The following DCDC2 variants were observed in gnomAD, a reference collection of about 807,000 sequenced individuals.
The protein encoded by DCDC2 is doublecortin domain containing 2.
Under a neutral mutation model 50.2 loss-of-function variants are expected in DCDC2, and 40 were observed. The observed-to-expected ratio is 0.80, with a 90% CI of 0.62 to 1.04. The LOEUF is 1.04. Among genes scored for constraint, DCDC2 ranks in the 50% least tolerant of loss-of-function variants. DCDC2 has a pLI of 0.00. For synonymous variants in DCDC2, 234 were observed against 210.6 expected, an observed-to-expected ratio of 1.11 and a Z score of -0.96; for missense variants, 570 against 581.9, an observed-to-expected ratio of 0.98 and a Z score of 0.21.
intron 2 of DCDC2, among the ~76,000 whole-genome samples, chr6:24,312,718 T>C (rs542165725): frequency 2.0e-5 from 3 of 152,284 alleles, no homozygotes; most frequent in South Asian, 2.1e-4. Flanking sequence ...ATGGCTATTT[T>C]CCTCCCAATA....
the DCDC2 span, among the ~76,000 whole-genome samples, chr6:24,363,460 C>T: frequency 2.5e-3 from 374 of 152,202 alleles, 4 homozygotes; most frequent in African/African-American, 8.6e-3. Flanking sequence ...ATGCTCATGC[C>T]GTTACACTGC....
intron 8 of DCDC2, among the ~76,000 whole-genome samples, chr6:24,191,330 C>T (rs558569464): frequency 2.0e-5 from 3 of 152,278 alleles, no homozygotes; most frequent in East Asian, 1.9e-4. Flanking sequence ...CAAGTCAGAA[C>T]ATGGAGAATA....
At chr6:24,381,663 AG>A in the DCDC2 span, among the ~76,000 whole-genome samples, 2 of 152,082 alleles carry the variant, frequency 1.3e-5, no homozygotes, top group African/African-American at 4.8e-5. Context: ...TATATTTAAA[AG>A]CGGGGTGCCA....
chr6:24,319,640 A>G (rs918149007), intron 2 of DCDC2, among the ~76,000 whole-genome samples: 1 of 152,204 alleles, frequency 6.6e-6, no homozygotes, highest in African/African-American at 2.4e-5. Flanking sequence ...GACTATCTAC[A>G]GTATGCTACC....
chr6:24,369,271 T>A, the DCDC2 span, among the ~76,000 whole-genome samples: 15,247 of 152,138 alleles, frequency 0.1, 1,282 homozygotes, highest in East Asian at 0.39. Flanking sequence ...GATATTGTTA[T>A]GTATGCATGT....
intron 7 of DCDC2, among the ~76,000 whole-genome samples, chr6:24,241,435 C>A (rs1204097463): frequency 6.6e-6 from 1 of 152,008 alleles, no homozygotes; most frequent in East Asian, 1.9e-4. Flanking sequence ...TCCAATCACT[C>A]GTTTTCCTAG....
chr6:24,218,747 C>T (rs374563540), intron 7 of DCDC2, among the ~76,000 whole-genome samples: 1 of 152,182 alleles, frequency 6.6e-6, no homozygotes, highest in East Asian at 1.9e-4. Context: ...CCTCAACCTC[C>T]CAAAGTGCCG....
chr6:24,220,819 G>C (rs1441781838), intron 7 of DCDC2, among the ~76,000 whole-genome samples: 1 of 39,954 alleles, frequency 2.5e-5, no homozygotes, highest in Admixed American at 3.1e-4. Context: ...GGCAGAAAGC[G>C]AAGGGGAAGC....
At chr6:24,354,012 G>A (rs541218337) in intron 1 of DCDC2, among the ~76,000 whole-genome samples, 1 of 152,286 alleles carries the variant, frequency 6.6e-6, no homozygotes, top group African/African-American at 2.4e-5. Flanking sequence ...AGGAAGTACT[G>A]ATAGCGTGCA....
intron 7 of DCDC2, among the ~76,000 whole-genome samples, chr6:24,208,937 T>A (rs966235391): frequency 6.6e-6 from 1 of 152,232 alleles, no homozygotes. Context: ...ACAATCTGTA[T>A]TCATATACAC....
chr6:24,371,293 AG>A, the DCDC2 span, among the ~76,000 whole-genome samples: 661 of 123,250 alleles, frequency 5.4e-3, 16 homozygotes, highest in East Asian at 0.018. Context: ...AAAAAAAAAA[AG>A]AAAAGAAAAG....
At chr6:24,299,730 A>G (rs1045168005) in intron 4 of DCDC2, among the ~76,000 whole-genome samples, 1 of 151,988 alleles carries the variant, frequency 6.6e-6, no homozygotes, top group Admixed American at 6.6e-5. Context: ...CCTGGCCAAC[A>G]TGGTGAAACC....
At chr6:24,229,482 C>T (rs1762294749) in intron 7 of DCDC2, among the ~76,000 whole-genome samples, 1 of 152,180 alleles carries the variant, frequency 6.6e-6, no homozygotes, top group South Asian at 2.1e-4. Context: ...TTCCCCCTTG[C>T]CGTGTAACAT....
chr6:24,239,628 A>G (rs1360951148), intron 7 of DCDC2, among the ~76,000 whole-genome samples: 2 of 152,176 alleles, frequency 1.3e-5, no homozygotes, highest in African/African-American at 4.8e-5. Context: ...GATTTTTTTC[A>G]ATCTAAAGCT....
rs138908460 is a variant in DCDC2, at chr6:24,330,907, G to A, written c.348+22662C>T. On this transcript the variant is annotated intron_variant, in intron 2 of 9. Coordinates refer to ENST00000378454, the MANE Select transcript of DCDC2 (RefSeq NM_016356.5). The stretch of plus-strand genomic sequence containing the variant: ...GTTTTAGAAACTAGGCATTTTTATC[G>A]TTTATAGATGAATTATAACAACTGG... Among the ~76,000 whole-genome samples, 51 of 152,150 alleles carry A rather than the reference G, an allele frequency of 3.4e-4. 1 individual carries two copies. The highest frequency in any genetic ancestry group is 1.1e-3 in the African/African-American group (45 of 41,518).
In DCDC2 at chr6:24,357,802, C is replaced by T. The variant is rs1318852877; in HGVS notation, c.-52G>A. ...CGCTGCTTCGCGTCGGGAGGCACCT[C>T]CGCTGTCCCAGCGGCCTCACCGCAC... On this transcript the variant is annotated 5_prime_UTR_variant, in exon 1 of 10. Transcript: ENST00000378454. 27 of 1,610,288 alleles carry T rather than the reference C, an allele frequency of 1.7e-5. No individual in the cohort carries two copies. Among genetic ancestry groups the T allele is most frequent in the Admixed American group, 5.0e-5 (3 of 59,866 alleles).
intron 2 of DCDC2, among the ~76,000 whole-genome samples, chr6:24,341,947 T>TACAC (rs10540083): frequency 0.063 from 9,516 of 151,656 alleles, 958 homozygotes; most frequent in African/African-American, 0.21. Flanking sequence ...TGTGCACGCG[T>TACAC]ACACACACAC....
intron 8 of DCDC2, 137 bp downstream of exon 8, chr6:24,204,865 T>C: frequency 1.3e-6 from 1 of 767,584 alleles, no homozygotes; most frequent in Non-Finnish European, 2.1e-6. Context: ...GTTATGTTTT[T>C]AAGGTTGATC....
intron 4 of DCDC2, among the ~76,000 whole-genome samples, chr6:24,292,529 T>C (rs1763774165): frequency 6.6e-6 from 1 of 152,244 alleles, no homozygotes; most frequent in African/African-American, 2.4e-5. Context: ...CCTCTACTCC[T>C]AACAAGTCTA....
Sources: allele counts gnomAD v4.1 joint callset (sites outside exome capture counted in the v4.1 genomes callset), GRCh38; gene constraint gnomAD v4.1.1; transcripts MANE v1.5; gene names NCBI Gene and HGNC (gene_info 2026-07-23, HGNC 2026-07-21).